WASHC4: variants seen among roughly 807,000 people sequenced by gnomAD.
WASHC4 encodes WASH complex subunit 7.
In WASHC4, 86 loss-of-function variants were observed where a neutral mutation model predicts 166.6. That is an observed-to-expected ratio of 0.52 (90% CI 0.43 to 0.62). The LOEUF is 0.62. Ranked by LOEUF, WASHC4 falls within the 20% of genes least tolerant of loss-of-function variation. The pLI is 0.00. For missense variants in WASHC4, 1,262 were observed against 1,382.4 expected (o/e 0.91, Z 1.38); for synonymous variants, 446 against 451.6 (o/e 0.99, Z 0.16).
At chr12:105,114,567 C>A in intron 4 of WASHC4, 140 bp downstream of exon 4, 2 of 670,110 alleles carry the variant, frequency 3.0e-6, no homozygotes, top group South Asian at 1.8e-5. Context: ...ATACGGACTA[C>A]CATTCATTGA....
intron 2 of WASHC4, among the ~76,000 whole-genome samples, chr12:105,113,065 C>T (rs1052857691): frequency 6.6e-6 from 1 of 152,064 alleles, no homozygotes; most frequent in African/African-American, 2.4e-5. Flanking sequence ...AATCATCCCC[C>T]CCCAAATTTG....
chr12:105,138,716 G>T (rs1882536510), intron 15 of WASHC4, among the ~76,000 whole-genome samples: 1 of 151,938 alleles, frequency 6.6e-6, no homozygotes, highest in South Asian at 2.1e-4. Context: ...TTCTGCCTTT[G>T]GATTTTCAGC....
intron 1 of WASHC4, among the ~76,000 whole-genome samples, chr12:105,110,022 C>G (rs1357965995): frequency 6.6e-6 from 1 of 152,134 alleles, no homozygotes; most frequent in Admixed American, 6.5e-5. Flanking sequence ...TATATGTAAG[C>G]TGTAGGGAAG....
In WASHC4 at chr12:105,138,032, C is replaced by T. The variant is rs756911474; in HGVS notation, c.1452+21C>T. On this transcript the variant is annotated intron_variant, in intron 15 of 32. Coordinates refer to ENST00000332180, the MANE Select transcript of WASHC4 (RefSeq NM_015275.3). ...TCAAGGTAGGTTTTAGATTATTTTA[C>T]TGCTCCATCATAATTGAGAAATGAC... is the stretch of plus-strand genomic sequence containing the variant. The T allele has an allele frequency of 4.4e-6, 7 of 1,606,426 alleles. No individual in the cohort carries two copies. The South Asian group carries it at 7.8e-5, about 18-fold the overall frequency.
chr12:105,142,527 A>G lies in WASHC4; in HGVS notation c.1862A>G (p.Tyr621Cys), dbSNP rs200615257. The G allele has an allele frequency of 4.2e-5, 68 of 1,602,610 alleles. No homozygotes were observed. Among genetic ancestry groups the G allele is most frequent in the Non-Finnish European group, 5.6e-5 (65 of 1,170,750 alleles). ...TTCCCAATTTATTTAGATGATGTATATGAAAATGCTGTTGATGCAGCCAGA... is the reference window on the plus strand; with the variant it reads ...TTCCCAATTTATTTAGATGATGTATGTGAAAATGCTGTTGATGCAGCCAGA... Reference protein sequence around the residue: ...AVFPIYLDDVYENAVDAARLH... With the variant: ...AVFPIYLDDVCENAVDAARLH... The change falls in exon 19 of 33, where the codon TAT (tyrosine) becomes TGT (cysteine). Residue 621 changes from tyrosine (Y) to cysteine (C), a missense_variant. Physicochemically the swap from Tyr to Cys is radical, Grantham distance 194 (BLOSUM62 -2). Coordinates refer to ENST00000332180, the MANE Select transcript of WASHC4 (RefSeq NM_015275.3).
intron 24 of WASHC4, 188 bp from the exon 25 acceptor site, chr12:105,149,427 A>G (rs1883559317): frequency 9.2e-7 from 1 of 1,081,962 alleles, no homozygotes. Flanking sequence ...GCTTATAGAA[A>G]GTTTTGTGAA....
At chr12:105,120,068 A>G (rs1323182731) in intron 7 of WASHC4, among the ~76,000 whole-genome samples, 1 of 152,238 alleles carries the variant, frequency 6.6e-6, no homozygotes, top group East Asian at 1.9e-4. Context: ...CCCCTTCTCC[A>G]CAAAAAGGAA....
rs1449204201 is a variant in WASHC4, at chr12:105,166,900, G to A, written c.3491G>A (p.Ser1164Asn). The change falls in exon 33 of 33, where the codon AGC (serine) becomes AAC (asparagine). Residue 1164 changes from serine (S) to asparagine (N), a missense_variant. Physicochemically the swap from Ser to Asn is conservative, Grantham distance 46 (BLOSUM62 1). Transcript: ENST00000332180. ...ACAAGCAATGGAGACCTGTCTGACAGCACTGTGTCTGCTGATCCTGTTGTG... is the reference window on the plus strand; with the variant it reads ...ACAAGCAATGGAGACCTGTCTGACAACACTGTGTCTGCTGATCCTGTTGTG... Reference protein sequence around the residue: ...TKTSNGDLSDSTVSADPVVK With the variant: ...TKTSNGDLSDNTVSADPVVK 2 of 1,606,852 alleles carry A rather than the reference G, an allele frequency of 1.2e-6. No individual in the cohort carries two copies. Among genetic ancestry groups the A allele is most frequent in the Non-Finnish European group, 1.7e-6 (2 of 1,176,850 alleles).
rs1048190591 is a variant in WASHC4, at chr12:105,156,807, A to G, written c.2825+15A>G. ...AATGCCATTAGGTATGGATGCAAAC[A>G]TCATTTTTGCCTTGTTTATGCCATT... On this transcript the variant is annotated intron_variant, in intron 27 of 32. Coordinates refer to ENST00000332180, the MANE Select transcript of WASHC4 (RefSeq NM_015275.3). 6.9e-6 allele frequency: 11 copies of G among 1,603,418 alleles called. No individual in the cohort carries two copies. The highest frequency in any genetic ancestry group is 1.7e-4 in the Middle Eastern group (1 of 6,054).
chr12:105,123,497 A>G (rs999696751), intron 10 of WASHC4, among the ~76,000 whole-genome samples: 1 of 152,260 alleles, frequency 6.6e-6, no homozygotes, highest in African/African-American at 2.4e-5. Flanking sequence ...TGAATTGAAA[A>G]TCAAACCAAC....
chr12:105,136,560 G>C (rs572192183), intron 14 of WASHC4, among the ~76,000 whole-genome samples: 1 of 152,208 alleles, frequency 6.6e-6, no homozygotes, highest in African/African-American at 2.4e-5. Context: ...ATGGTTATCT[G>C]GGAATGAGCT....
chr12:105,147,238 A>G, intron 24 of WASHC4, 92 bp downstream of exon 24: 1 of 779,700 alleles, frequency 1.3e-6, no homozygotes, highest in Non-Finnish European at 2.3e-6. Flanking sequence ...GTAAACATAC[A>G]CTACTAGTTT....
Position 105,141,050 on chromosome 12 carries a change from G to A in WASHC4, c.1707+5G>A. The A allele has an allele frequency of 1.9e-6, 3 of 1,614,046 alleles. No individual in the cohort carries two copies. Among genetic ancestry groups the A allele is most frequent in the East Asian group, 2.2e-5 (1 of 44,870 alleles). On this transcript the variant is annotated splice_donor_5th_base_variant and intron_variant, in intron 17 of 32. Coordinates refer to ENST00000332180, the MANE Select transcript of WASHC4 (RefSeq NM_015275.3). ...CTAAGTGTTGGCACACAAATGGTAA[G>A]TGTATTGCTATTACTTATGGAACAG...
intron 6 of WASHC4, among the ~76,000 whole-genome samples, chr12:105,116,834 A>G (rs1483639449): frequency 6.6e-6 from 1 of 152,192 alleles, no homozygotes; most frequent in Admixed American, 6.5e-5. Context: ...AAGGAAACAG[A>G]TACCTCCTTT....
intron 1 of WASHC4, among the ~76,000 whole-genome samples, chr12:105,110,261 G>T (rs1474576875): frequency 1.3e-5 from 2 of 152,116 alleles, no homozygotes; most frequent in African/African-American, 4.8e-5. Context: ...TCTCTTACTT[G>T]CTTCACATTG....
intron 32 of WASHC4, among the ~76,000 whole-genome samples, chr12:105,166,489 A>G (rs1273803039): frequency 6.6e-6 from 1 of 152,154 alleles, no homozygotes; most frequent in Non-Finnish European, 1.5e-5. Flanking sequence ...ATGACAATGT[A>G]CTGTAATGGT....
chr12:105,149,145 A>G, intron 24 of WASHC4: 4 of 985,426 alleles, frequency 4.1e-6, no homozygotes, highest in Non-Finnish European at 4.8e-6. Flanking sequence ...GTGATTAGAA[A>G]TATTTATGGA....
chr12:105,164,086 A>G, intron 30 of WASHC4, 25 bp from the exon 31 acceptor site: 1 of 1,609,344 alleles, frequency 6.2e-7, no homozygotes, highest in Non-Finnish European at 8.5e-7. Context: ...CTGTAATTTA[A>G]CCTTAGTTTT....
intron 7 of WASHC4, among the ~76,000 whole-genome samples, chr12:105,120,317 G>A (rs983931410): frequency 4.6e-5 from 7 of 152,256 alleles, no homozygotes; most frequent in African/African-American, 7.2e-5. Context: ...TATTAGGTTG[G>A]TGCAAGAATT....
Sources: allele counts gnomAD v4.1 joint callset (sites outside exome capture counted in the v4.1 genomes callset), GRCh38; gene constraint gnomAD v4.1.1; transcripts MANE v1.5; gene names NCBI Gene and HGNC (gene_info 2026-07-23, HGNC 2026-07-21).